The following ANTXR1 variants were observed in gnomAD, a reference collection of about 807,000 sequenced individuals.
ANTXR1 encodes ANTXR cell adhesion molecule 1.
Under a neutral mutation model 78.1 loss-of-function variants are expected in ANTXR1, and 19 were observed. The observed-to-expected ratio is 0.24, with a 90% CI of 0.17 to 0.36. The LOEUF (loss-of-function observed/expected upper bound fraction) is 0.36. ANTXR1 is among the 10% of genes least tolerant of loss of function. The pLI is 1.00. For synonymous variants in ANTXR1, 273 were observed against 260.5 expected (o/e 1.05, Z -0.46); for missense variants, 518 against 718.6 (o/e 0.72, Z 3.19).
At chr2:69,185,551 G>GAAAAAAAAA (rs75084788) in intron 16 of ANTXR1, among the ~76,000 whole-genome samples, 1 of 89,506 alleles carries the variant, frequency 1.1e-5, no homozygotes, top group Non-Finnish European at 2.3e-5. Context: ...AATAAAAAAA[G>GAAAAAAAAA]AAAAAAAAAA....
intron 12 of ANTXR1, among the ~76,000 whole-genome samples, chr2:69,130,078 G>T (rs993477554): frequency 1.3e-5 from 2 of 152,072 alleles, no homozygotes; most frequent in African/African-American, 4.8e-5. Context: ...TCAATTTGGG[G>T]ACATTTCTCA....
intron 12 of ANTXR1, among the ~76,000 whole-genome samples, chr2:69,149,242 G>C (rs537101175): frequency 6.6e-6 from 1 of 152,060 alleles, no homozygotes; most frequent in Non-Finnish European, 1.5e-5. Context: ...TGAGCCCCCC[G>C]GCTGTCCTCC....
intron 17 of ANTXR1, among the ~76,000 whole-genome samples, chr2:69,215,976 C>T (rs572993238): frequency 6.6e-6 from 1 of 152,210 alleles, no homozygotes; most frequent in East Asian, 1.9e-4. Flanking sequence ...AAGGAATGTA[C>T]AGGAACACTG....
At chr2:69,149,343 C>G (rs895080997) in intron 12 of ANTXR1, among the ~76,000 whole-genome samples, 8 of 152,156 alleles carry the variant, frequency 5.3e-5, no homozygotes, top group South Asian at 2.1e-4. Flanking sequence ...CCAGCTATCA[C>G]TTTATCCAAA....
At chr2:69,040,001 AGT>A (rs1243289227) in intron 1 of ANTXR1, 41 bp from the exon 2 acceptor site, 2 of 1,536,022 alleles carry the variant, frequency 1.3e-6, no homozygotes, top group Admixed American at 3.3e-5. Flanking sequence ...GGTAAAGACA[AGT>A]AAACACCTGA....
chr2:69,070,548 G>A, intron 3 of ANTXR1, 99 bp from the exon 4 acceptor site: 1 of 1,081,582 alleles, frequency 9.2e-7, no homozygotes, highest in Admixed American at 1.7e-5. Flanking sequence ...GGACTAGACA[G>A]CAGTATCCAC....
At chr2:69,124,521 T>C (rs1558574553) in intron 11 of ANTXR1, 44 bp from the exon 12 acceptor site, 1 of 1,572,954 alleles carries the variant, frequency 6.4e-7, no homozygotes. Flanking sequence ...CTGTTGCTCA[T>C]TGCACGCCCT....
intron 14 of ANTXR1, among the ~76,000 whole-genome samples, chr2:69,171,131 G>A (rs4299364): frequency 0.24 from 36,955 of 152,190 alleles, 5,088 homozygotes; most frequent in South Asian, 0.41. Flanking sequence ...CGTCTGTTGT[G>A]TGCAAATCAA....
At chr2:69,030,260 T>C (rs1035627034) in intron 1 of ANTXR1, among the ~76,000 whole-genome samples, 2 of 152,182 alleles carry the variant, frequency 1.3e-5, no homozygotes, top group African/African-American at 4.8e-5. Flanking sequence ...TCATGGAAAG[T>C]TCTGTCACAT....
intron 17 of ANTXR1, among the ~76,000 whole-genome samples, chr2:69,209,180 G>C (rs970859564): frequency 2.0e-5 from 3 of 152,154 alleles, no homozygotes; most frequent in African/African-American, 7.2e-5. Flanking sequence ...ACATTTATTG[G>C]ATTATCTGAT....
chr2:69,082,569 G>T (rs1670930441), intron 8 of ANTXR1, among the ~76,000 whole-genome samples: 3 of 152,080 alleles, frequency 2.0e-5, no homozygotes, highest in Admixed American at 1.3e-4. Context: ...CTGGGTCTTT[G>T]CTTGCCTTTT....
intron 17 of ANTXR1, among the ~76,000 whole-genome samples, chr2:69,213,488 A>G (rs1350708168): frequency 6.6e-6 from 1 of 152,224 alleles, no homozygotes; most frequent in Non-Finnish European, 1.5e-5. Flanking sequence ...TTTTCTGTAC[A>G]TTTAAAACGT....
chr2:69,208,060 G>A (rs1674951168), intron 17 of ANTXR1, among the ~76,000 whole-genome samples: 1 of 152,212 alleles, frequency 6.6e-6, no homozygotes, highest in Non-Finnish European at 1.5e-5. Flanking sequence ...TAGATAAAGG[G>A]TGGGATCCAT....
intron 8 of ANTXR1, among the ~76,000 whole-genome samples, chr2:69,078,299 A>G (rs1670799571): frequency 6.6e-6 from 1 of 152,190 alleles, no homozygotes; most frequent in South Asian, 2.1e-4. Flanking sequence ...AGCCTCCACC[A>G]TTAGGTTTTG....
intron 17 of ANTXR1, among the ~76,000 whole-genome samples, chr2:69,224,995 T>G (rs1279490419): frequency 1.6e-5 from 2 of 126,146 alleles, no homozygotes; most frequent in Non-Finnish European, 3.7e-5. Flanking sequence ...TCTGTGGTGT[T>G]CCCAGCCTAT....
chr2:69,014,327 C>A (rs1357073720), intron 1 of ANTXR1, among the ~76,000 whole-genome samples: 2 of 152,124 alleles, frequency 1.3e-5, no homozygotes, highest in African/African-American at 4.8e-5. Context: ...CCCCGCCCCC[C>A]ACTCCTTCCT....
At chr2:69,234,104 G>A (rs1675693514) in intron 17 of ANTXR1, among the ~76,000 whole-genome samples, 1 of 152,148 alleles carries the variant, frequency 6.6e-6, no homozygotes, top group African/African-American at 2.4e-5. Flanking sequence ...TTGTTTGGAA[G>A]AACAATCAGA....
intron 16 of ANTXR1, among the ~76,000 whole-genome samples, chr2:69,186,280 A>C (rs13424685): frequency 0.077 from 11,771 of 152,286 alleles, 1,234 homozygotes; most frequent in African/African-American, 0.24. Context: ...GAAGAAATTC[A>C]AAAGTAATCA....
intron 8 of ANTXR1, among the ~76,000 whole-genome samples, chr2:69,081,066 A>T (rs1374863072): frequency 1.3e-5 from 2 of 152,204 alleles, no homozygotes; most frequent in Non-Finnish European, 2.9e-5. Flanking sequence ...AAGAAAACTC[A>T]CTATGACTTG....
Sources: gnomAD v4.1 joint callset for allele counts (sites outside exome capture counted in the v4.1 genomes callset) on GRCh38, gnomAD v4.1.1 for gene constraint, MANE v1.5 for transcripts, NCBI Gene and HGNC (gene_info 2026-07-23, HGNC 2026-07-21) for gene names.